Variants in TMEM132D observed in about 807,000 individuals in gnomAD.
TMEM132D encodes the protein mature OL transmembrane protein.
Under a neutral mutation model 62.3 loss-of-function variants are expected in TMEM132D, and 21 were observed. The ratio of observed to expected loss-of-function variants is 0.34; its 90% CI spans 0.24 to 0.49. The LOEUF (loss-of-function observed/expected upper bound fraction) is 0.49, where lower values mean the gene tolerates loss of function less well. Ranked by LOEUF, TMEM132D falls within the 20% of genes least tolerant of loss-of-function variation. The probability of loss-of-function intolerance (pLI) is 0.99; values close to 1 mark genes in which losing one functional copy is unlikely to be tolerated. For missense variants in TMEM132D, 1,346 were observed against 1,402.8 expected (o/e 0.96, Z 0.65); for synonymous variants, 621 against 575.6 (o/e 1.08, Z -1.13).
At chr12:129,841,524 G>T (rs996876866) in intron 1 of TMEM132D, among the ~76,000 whole-genome samples, 1 of 152,138 alleles carries the variant, frequency 6.6e-6, no homozygotes, top group African/African-American at 2.4e-5. Context: ...TTTAGCTTCT[G>T]TATTTCCTTC....
At chr12:129,159,753 G>C (rs1380953797) in intron 5 of TMEM132D, among the ~76,000 whole-genome samples, 1 of 121,218 alleles carries the variant, frequency 8.2e-6, no homozygotes, top group East Asian at 2.3e-4. Context: ...AGTGAGACTC[G>C]GGCTCAAAAA....
intron 4 of TMEM132D, among the ~76,000 whole-genome samples, chr12:129,243,843 T>C (rs990979674): frequency 2.6e-5 from 4 of 152,250 alleles, no homozygotes; most frequent in Non-Finnish European, 2.9e-5. Flanking sequence ...ACTGATTGAA[T>C]ACACCTTAGA....
At position 129,779,362 on chromosome 12, in the gene TMEM132D, C is replaced by T. The variant is rs1351183621; in HGVS notation, c.80-78664G>A. On this transcript the variant is annotated intron_variant, in intron 1 of 8. Transcript: ENST00000422113. This position sits in a 1 kb window ranked among gnomAD's most constrained non-coding sequence, Gnocchi z 4.1. ...GGAGAGCAGTGGTGTTATCTCTGCT[C>T]ACTACAACCTCCACTTCCTGGGTTC... is the stretch of plus-strand genomic sequence containing the variant. Among the ~76,000 whole-genome samples, 1 of 152,184 alleles carries T rather than the reference C, an allele frequency of 6.6e-6. No homozygotes were observed. The highest frequency in any genetic ancestry group is 2.4e-5 in the African/African-American group (1 of 41,452).
chr12:129,891,067 C>A (rs1874907762), intron 1 of TMEM132D, among the ~76,000 whole-genome samples: 1 of 152,098 alleles, frequency 6.6e-6, no homozygotes, highest in African/African-American at 2.4e-5. Flanking sequence ...ACAGCAGGTC[C>A]TAGAGGAGCC....
intron 1 of TMEM132D, among the ~76,000 whole-genome samples, chr12:129,870,949 C>T (rs991791339): frequency 6.6e-6 from 1 of 152,032 alleles, no homozygotes; most frequent in African/African-American, 2.4e-5. Context: ...GCAGGACACA[C>T]CATTGGTATC....
chr12:129,214,798 T>C (rs1374640136), intron 4 of TMEM132D, among the ~76,000 whole-genome samples: 1 of 152,272 alleles, frequency 6.6e-6, no homozygotes, highest in African/African-American at 2.4e-5. Flanking sequence ...TTAAAAAGAT[T>C]TTTAAAAACC....
rs781402811 is a variant in TMEM132D, at chr12:129,368,805, TG to T, written c.1116-30989del. Among the ~76,000 whole-genome samples the T allele has an allele frequency of 1.6e-4, 24 of 151,670 alleles. 1 individual carries two copies. The highest frequency in any genetic ancestry group is 2.9e-4 in the Non-Finnish European group (20 of 67,900). On this transcript the variant is annotated intron_variant, in intron 3 of 8. Coordinates refer to ENST00000422113, the MANE Select transcript of TMEM132D (RefSeq NM_133448.3). ...CCCAAAAGGCTCTGACATGAGGTCA[TG>T]TGTATATTTCTGGCCAATCGGCTGT...
At chr12:129,220,181 G>C (rs1372735754) in intron 4 of TMEM132D, among the ~76,000 whole-genome samples, 1 of 152,066 alleles carries the variant, frequency 6.6e-6, no homozygotes, top group Non-Finnish European at 1.5e-5. Flanking sequence ...ACAGATTTCA[G>C]CTGAGTTCCC....
chr12:129,800,458 G>C (rs914035429), intron 1 of TMEM132D, among the ~76,000 whole-genome samples: 1 of 151,990 alleles, frequency 6.6e-6, no homozygotes, highest in African/African-American at 2.4e-5. Context: ...CTGGAGATGA[G>C]AGTCCTAGCC....
At chr12:129,648,733 T>A (rs1456626895) in intron 2 of TMEM132D, among the ~76,000 whole-genome samples, 1 of 152,200 alleles carries the variant, frequency 6.6e-6, no homozygotes, top group Admixed American at 6.5e-5. Context: ...CCACAGTATT[T>A]TATGAATACG....
chr12:129,086,288 T>C (rs1393243046), intron 5 of TMEM132D, among the ~76,000 whole-genome samples: 2 of 152,194 alleles, frequency 1.3e-5, no homozygotes, highest in Non-Finnish European at 1.5e-5. Flanking sequence ...CATGGAGTTT[T>C]GTCACATGGA....
intron 4 of TMEM132D, among the ~76,000 whole-genome samples, chr12:129,260,462 C>T (rs1037148277): frequency 1.2e-4 from 19 of 152,132 alleles, no homozygotes; most frequent in Non-Finnish European, 1.9e-4. Context: ...TTAAAATGTT[C>T]ACAGGAAAAT....
chr12:129,446,446 T>C (rs559707695), intron 3 of TMEM132D, among the ~76,000 whole-genome samples: 7 of 152,330 alleles, frequency 4.6e-5, no homozygotes, highest in African/African-American at 1.4e-4. Context: ...GAGAATACGA[T>C]GTCTCAGGAA....
intron 3 of TMEM132D, among the ~76,000 whole-genome samples, chr12:129,495,949 C>A (rs927311814): frequency 2.0e-5 from 3 of 152,126 alleles, no homozygotes; most frequent in Non-Finnish European, 4.4e-5. Flanking sequence ...TTTTACAAGT[C>A]CATTATGAAA....
At position 129,779,244 on chromosome 12, in the gene TMEM132D, G is replaced by A. The variant is rs959563947; in HGVS notation, c.80-78546C>T. On this transcript the variant is annotated intron_variant, in intron 1 of 8. Transcript: ENST00000422113. The surrounding 1 kb of genome is among the most constrained non-coding windows in gnomAD (Gnocchi z 4.1). ...GTAGAACGGCTACACCCAGCTACAA[G>A]CAGTACCAGGAAATGAAGCTTTTAT... Among the ~76,000 whole-genome samples, 1 of 152,192 alleles carries A rather than the reference G, an allele frequency of 6.6e-6. No homozygotes were observed. The highest frequency in any genetic ancestry group is 2.4e-5 in the African/African-American group (1 of 41,446).
chr12:129,390,421 T>C (rs61943068), intron 3 of TMEM132D, among the ~76,000 whole-genome samples: 47,904 of 151,944 alleles, frequency 0.32, 7,697 homozygotes, highest in Non-Finnish European at 0.34. Flanking sequence ...CTCCCACCTT[T>C]CCTTCTATGG....
chr12:129,266,874 G>A (rs1880711321), intron 4 of TMEM132D, among the ~76,000 whole-genome samples: 1 of 152,136 alleles, frequency 6.6e-6, no homozygotes, highest in Non-Finnish European at 1.5e-5. Context: ...ACCTGGGTAA[G>A]CAAATGTCTC....
chr12:129,844,098 C>T (rs1593183947), intron 1 of TMEM132D, among the ~76,000 whole-genome samples: 1 of 152,180 alleles, frequency 6.6e-6, no homozygotes, highest in East Asian at 1.9e-4. Context: ...GAGACTCTGT[C>T]TCGGAAACCA....
intron 5 of TMEM132D, among the ~76,000 whole-genome samples, chr12:129,196,544 C>T (rs1312645237): frequency 1.3e-5 from 2 of 152,118 alleles, no homozygotes; most frequent in South Asian, 2.1e-4. Flanking sequence ...TGTCTCAGCA[C>T]AGTAAAATGA....
Sources: allele counts gnomAD v4.1 joint callset (sites outside exome capture counted in the v4.1 genomes callset), GRCh38; gene constraint gnomAD v4.1.1; non-coding constraint Gnocchi (gnomAD v3.1); transcripts MANE v1.5; gene names NCBI Gene and HGNC (gene_info 2026-07-23, HGNC 2026-07-21).